The following RALYL variants were observed in gnomAD, a reference collection of about 807,000 sequenced individuals.
RALYL encodes RNA-binding Raly-like protein.
In RALYL, 29 loss-of-function variants were observed where a neutral mutation model predicts 35.1. The ratio of observed to expected loss-of-function variants is 0.83; its 90% CI spans 0.61 to 1.13. The LOEUF is 1.13. Among genes scored for constraint, RALYL ranks in the 50% most tolerant of loss-of-function variants. RALYL has a pLI of 0.00. For missense variants in RALYL, 359 were observed against 360.4 expected, an observed-to-expected ratio of 1.00 and a Z score of 0.03; for synonymous variants, 120 against 127.6, an observed-to-expected ratio of 0.94 and a Z score of 0.40.
At chr8:84,330,717 C>A (rs182720891) in intron 1 of RALYL, among the ~76,000 whole-genome samples, 2 of 152,090 alleles carry the variant, frequency 1.3e-5, no homozygotes, top group East Asian at 3.9e-4. Context: ...AAATTCTACC[C>A]GACTCACTTC....
intron 2 of RALYL, among the ~76,000 whole-genome samples, chr8:84,720,283 C>G (rs1481868358): frequency 6.6e-6 from 1 of 152,098 alleles, no homozygotes; most frequent in Non-Finnish European, 1.5e-5. Flanking sequence ...GTAATCCAAA[C>G]AGCATGGTAC....
At chr8:84,545,324 T>C (rs374098328) in intron 2 of RALYL, among the ~76,000 whole-genome samples, 7 of 152,162 alleles carry the variant, frequency 4.6e-5, no homozygotes, top group African/African-American at 1.2e-4. Flanking sequence ...ATGATTTTCA[T>C]TGGAGAAGAG....
At chr8:84,635,973 ATGT>A (rs769204411) in intron 2 of RALYL, among the ~76,000 whole-genome samples, 30 of 151,760 alleles carry the variant, frequency 2.0e-4, no homozygotes, top group Admixed American at 2.6e-4. Flanking sequence ...GTTAATCCTA[ATGT>A]GAGACTGTCA....
chr8:84,399,968 T>A (rs972243515), intron 1 of RALYL, among the ~76,000 whole-genome samples: 1 of 151,956 alleles, frequency 6.6e-6, no homozygotes, highest in African/African-American at 2.4e-5. Flanking sequence ...AATAGAAAAA[T>A]TTGCCAGGCA....
chr8:84,512,199 C>T (rs1364462264), intron 1 of RALYL, among the ~76,000 whole-genome samples: 4 of 152,110 alleles, frequency 2.6e-5, no homozygotes, highest in South Asian at 2.1e-4. Flanking sequence ...TCTTCATCAG[C>T]ATCTATTTTT....
chr8:84,438,943 T>A (rs1226404627), intron 1 of RALYL, among the ~76,000 whole-genome samples: 1 of 117,422 alleles, frequency 8.5e-6, no homozygotes, highest in East Asian at 2.3e-4. Context: ...TTGGTCTATG[T>A]ATCTTTTTTT....
In RALYL at chr8:84,888,239, T is replaced by C. The variant is rs149366190; in HGVS notation, c.858+463T>C. 2.1e-3 allele frequency among the ~76,000 whole-genome samples: 322 copies of C among 152,356 alleles called. 1 individual carries two copies. Among genetic ancestry groups the C allele is most frequent in the African/African-American group, 7.3e-3 (302 of 41,576 alleles). On this transcript the variant is annotated intron_variant, in intron 8 of 8. Coordinates refer to ENST00000521268, the MANE Select transcript of RALYL (RefSeq NM_173848.7). ...CTCCCTAAGATGACACTTTGGTAGATGGCCAGTTCATCATTTTCAATGCCT... is the reference window on the plus strand; with the variant it reads ...CTCCCTAAGATGACACTTTGGTAGACGGCCAGTTCATCATTTTCAATGCCT...
intron 1 of RALYL, among the ~76,000 whole-genome samples, chr8:84,470,516 A>G (rs2133683946): frequency 6.6e-6 from 1 of 152,112 alleles, no homozygotes; most frequent in East Asian, 1.9e-4. Context: ...GCTGAACAAG[A>G]AAGGTATAAA....
chr8:84,781,264 A>T (rs557000046), intron 3 of RALYL, among the ~76,000 whole-genome samples: 1 of 152,316 alleles, frequency 6.6e-6, no homozygotes, highest in South Asian at 2.1e-4. Flanking sequence ...TAAAAATAAA[A>T]TTTTTTAAAA....
intron 2 of RALYL, among the ~76,000 whole-genome samples, chr8:84,574,481 G>A (rs1808829000): frequency 6.6e-6 from 1 of 152,030 alleles, no homozygotes; most frequent in African/African-American, 2.4e-5. Context: ...GATATTCCAT[G>A]TGCCTCAATT....
chr8:84,855,913 A>G (rs1373362844), intron 5 of RALYL, among the ~76,000 whole-genome samples: 3 of 152,208 alleles, frequency 2.0e-5, no homozygotes, highest in Non-Finnish European at 4.4e-5. Flanking sequence ...TCAATTCTGG[A>G]ACCATTTTGA....
rs1811913490 is a variant in RALYL, at chr8:84,184,265, A to G, written c.-183A>G. 1.3e-5 allele frequency: 2 copies of G among 152,220 alleles called. No individual in the cohort carries two copies. Among genetic ancestry groups the G allele is most frequent in the Admixed American group, 1.3e-4 (2 of 15,268 alleles). The allele number at this position is 152,220 out of a possible 1,614,324, so 9.4% of individuals were successfully genotyped here. On this transcript the variant is annotated 5_prime_UTR_variant, in exon 1 of 9. Coordinates refer to ENST00000521268, the MANE Select transcript of RALYL (RefSeq NM_173848.7). ...TTTTATGATAGATATCCTGATATCTATATCTATATTGTCCCTTATTTCTCC... is the reference window on the plus strand; with the variant it reads ...TTTTATGATAGATATCCTGATATCTGTATCTATATTGTCCCTTATTTCTCC...
chr8:84,877,857 G>C (rs1841464412), intron 7 of RALYL, among the ~76,000 whole-genome samples: 1 of 152,138 alleles, frequency 6.6e-6, no homozygotes, highest in Non-Finnish European at 1.5e-5. Flanking sequence ...TTTCTGTTCT[G>C]AATACCTTAC....
At chr8:84,231,226 T>C (rs1199530473) in intron 1 of RALYL, among the ~76,000 whole-genome samples, 1 of 152,136 alleles carries the variant, frequency 6.6e-6, no homozygotes, top group Non-Finnish European at 1.5e-5. Context: ...AAAGAAATGT[T>C]GGATGGATGA....
intron 1 of RALYL, among the ~76,000 whole-genome samples, chr8:84,260,133 C>A (rs925215447): frequency 1.3e-5 from 2 of 152,112 alleles, no homozygotes; most frequent in African/African-American, 2.4e-5. Context: ...GAAAAGTTAA[C>A]CGATTATTTC....
At chr8:84,191,553 G>GA (rs1813882647) in intron 1 of RALYL, among the ~76,000 whole-genome samples, 5 of 152,004 alleles carry the variant, frequency 3.3e-5, no homozygotes, top group Admixed American at 3.3e-4. Context: ...AGTCTGGGCA[G>GA]AAAAAACACA....
At chr8:84,841,584 C>T (rs1458356464) in intron 4 of RALYL, among the ~76,000 whole-genome samples, 5 of 152,082 alleles carry the variant, frequency 3.3e-5, no homozygotes, top group South Asian at 4.2e-4. Flanking sequence ...ACAAGGATAT[C>T]CAGGACCTGA....
chr8:84,665,898 T>G (rs981466377), intron 2 of RALYL: 8 of 152,026 alleles, frequency 5.3e-5, no homozygotes, highest in African/African-American at 1.7e-4. Flanking sequence ...ATCTAAACTA[T>G]TTTTCATCTC....
chr8:84,681,996 C>T (rs555595084), intron 2 of RALYL, among the ~76,000 whole-genome samples: 3 of 152,126 alleles, frequency 2.0e-5, no homozygotes, highest in South Asian at 2.1e-4. Flanking sequence ...TAGCTCTTAT[C>T]ATTTTGAGAT....
Sources: gnomAD v4.1 joint callset for allele counts (sites outside exome capture counted in the v4.1 genomes callset) on GRCh38, gnomAD v4.1.1 for gene constraint, MANE v1.5 for transcripts, NCBI Gene and HGNC (gene_info 2026-07-23, HGNC 2026-07-21) for gene names.